Variants in DYSF observed in about 807,000 individuals in gnomAD.
DYSF encodes dysferlin.
A neutral mutation model predicts 274.9 loss-of-function variants in DYSF; 212 were observed. The observed-to-expected ratio is 0.77, with a 90% CI of 0.69 to 0.86. The LOEUF is 0.86. DYSF is among the 40% of genes least tolerant of loss of function. The pLI, the probability that DYSF is intolerant of heterozygous loss-of-function variation, is 0.00. For synonymous variants in DYSF, 1,091 were observed against 1,078.7 expected (o/e 1.01, Z -0.22); for missense variants, 2,666 against 2,783.2 (o/e 0.96, Z 0.95).
intron 29 of DYSF, among the ~76,000 whole-genome samples, chr2:71,573,709 T>C (rs1001696410): frequency 6.6e-6 from 1 of 152,200 alleles, no homozygotes; most frequent in African/African-American, 2.4e-5. Flanking sequence ...ATAAGCAAGT[T>C]AAAAGCCCAG....
chr2:71,473,918 A>ATTTTTT lies in DYSF; in HGVS notation c.92-6945_92-6940dup, dbSNP rs10659171. 1.8e-4 allele frequency among the ~76,000 whole-genome samples: 15 copies of ATTTTTT among 83,818 alleles called. 1 individual carries two copies. Among genetic ancestry groups the ATTTTTT allele is most frequent in the African/African-American group, 8.0e-4 (14 of 17,542 alleles). The allele number at this position is 83,818 out of a possible 152,430, so 55.0% of individuals were successfully genotyped here. On this transcript the variant is annotated intron_variant, in intron 1 of 55. Transcript: ENST00000410020. ...TAATTGCAGTTCTACTTTCTGTATG[A>ATTTTTT]TTTTTTTTTTTTTTTTTTTTTTTTT...
At position 71,555,917 on chromosome 2, in the gene DYSF, C is replaced by T. The variant is rs1201711024; in HGVS notation, c.2110-48C>T. 5.4e-6 allele frequency: 8 copies of T among 1,469,428 alleles called. No individual in the cohort carries two copies. The South Asian group carries it at 6.1e-5, about 11-fold the overall frequency. 91.0% of individuals were successfully genotyped at this position (1,469,428 alleles called of 1,614,324 possible). ...CCTGGGGGTTGGGTCCAGCATGCAC[C>T]CTCTGCCCTGTGGTGACACACCTGA... is the stretch of plus-strand genomic sequence containing the variant. On this transcript the variant is annotated intron_variant, in intron 21 of 55. Coordinates refer to ENST00000410020, the MANE Select transcript of DYSF (RefSeq NM_001130987.2).
In DYSF at chr2:71,615,355, C is replaced by T. The variant is rs568884393; in HGVS notation, c.4464+1945C>T. Reference sequence around the variant, plus strand: ...CCCACCTGGGGAGGGGCTGGGCCTCCCCTGGCCTGGGACAGGGGAGGAGGA... The same window carrying T: ...CCCACCTGGGGAGGGGCTGGGCCTCTCCTGGCCTGGGACAGGGGAGGAGGA... On this transcript the variant is annotated intron_variant, in intron 40 of 55. Coordinates refer to ENST00000410020, the MANE Select transcript of DYSF (RefSeq NM_001130987.2). This position sits in a 1 kb window ranked among gnomAD's most constrained non-coding sequence, Gnocchi z 4.9. Among the ~76,000 whole-genome samples the T allele has an allele frequency of 1.5e-4, 23 of 152,158 alleles. No homozygotes were observed. Among genetic ancestry groups the T allele is most frequent in the African/African-American group, 5.3e-4 (22 of 41,530 alleles).
intron 1 of DYSF, among the ~76,000 whole-genome samples, chr2:71,475,180 C>A (rs894624266): frequency 6.6e-6 from 1 of 152,324 alleles, no homozygotes; most frequent in African/African-American, 2.4e-5. Flanking sequence ...ACCCTTCCCC[C>A]ACATGGCGCC....
intron 40 of DYSF, among the ~76,000 whole-genome samples, chr2:71,618,622 G>GGAGTGTGTGTGTGTGGAGTAGAGGT (rs2094006463): frequency 1.3e-5 from 1 of 78,930 alleles, no homozygotes; most frequent in Admixed American, 1.3e-4. Flanking sequence ...TGGTAGAGGT[G>GGAGTGTGTGTGTGTGGAGTAGAGGT]GTGTGTGTGT....
At chr2:71,456,427 CCTT>C (rs1336320382) in intron 1 of DYSF, among the ~76,000 whole-genome samples, 2 of 152,152 alleles carry the variant, frequency 1.3e-5, no homozygotes, top group South Asian at 4.1e-4. Flanking sequence ...TGCTCGCTCT[CCTT>C]CTCCCTGGCA....
At position 71,656,309 on chromosome 2, in the gene DYSF, C is replaced by T; in HGVS notation, c.4755+19C>T. 1 of 1,613,358 alleles carries T rather than the reference C, an allele frequency of 6.2e-7. No homozygotes were observed. The highest frequency in any genetic ancestry group is 8.5e-7 in the Non-Finnish European group (1 of 1,179,858). On this transcript the variant is annotated intron_variant, in intron 43 of 55. Transcript: ENST00000410020. Reference sequence around the variant, plus strand: ...ATTTAAGGTAAATCCTCGAAGACGTCCCTAACCCAGGTGGGCCTAAGACTG... The same window carrying T: ...ATTTAAGGTAAATCCTCGAAGACGTTCCTAACCCAGGTGGGCCTAAGACTG...
At chr2:71,684,735 A>G (rs1370709400) in intron 55 of DYSF, among the ~76,000 whole-genome samples, 3 of 152,094 alleles carry the variant, frequency 2.0e-5, no homozygotes, top group African/African-American at 7.2e-5. Flanking sequence ...GCTGAGGGGG[A>G]ATCTGCATGT....
intron 13 of DYSF, 76 bp downstream of exon 13, chr2:71,526,422 G>T (rs1184366512): frequency 1.5e-6 from 2 of 1,320,794 alleles, no homozygotes; most frequent in East Asian, 5.2e-5. Flanking sequence ...GGGCGATGGC[G>T]GGCGGGGTCA....
chr2:71,584,290 C>G (rs1452005265), intron 30 of DYSF, among the ~76,000 whole-genome samples: 1 of 152,130 alleles, frequency 6.6e-6, no homozygotes, highest in Non-Finnish European at 1.5e-5. Flanking sequence ...AAGCGGCCCT[C>G]CCTGTCCTGG....
At position 71,680,541 on chromosome 2, in the gene DYSF, A is replaced by G. The variant is rs2095283013; in HGVS notation, c.6064-460A>G. On this transcript the variant is annotated intron_variant, in intron 53 of 55. Transcript: ENST00000410020. The stretch of plus-strand genomic sequence containing the variant: ...TTGTTGCAGCATTATTTACCCTATC[A>G]AAGAGTTGGAAACAACCTAAATGAA... Among the ~76,000 whole-genome samples, 3 of 152,364 alleles carry G rather than the reference A, an allele frequency of 2.0e-5. No homozygotes were observed. The South Asian group carries it at 6.2e-4, about 32-fold the overall frequency.
intron 1 of DYSF, among the ~76,000 whole-genome samples, chr2:71,478,113 T>C (rs968094463): frequency 3.3e-5 from 5 of 151,618 alleles, no homozygotes; most frequent in African/African-American, 1.2e-4. Flanking sequence ...GATTTTAAAA[T>C]TACTAAATAA....
intron 41 of DYSF, among the ~76,000 whole-genome samples, chr2:71,626,883 T>G (rs113985745): frequency 1.3e-5 from 2 of 151,906 alleles, no homozygotes; most frequent in African/African-American, 4.8e-5. Flanking sequence ...ATTTTCTGTT[T>G]CTAAGTGAGT....
intron 40 of DYSF, among the ~76,000 whole-genome samples, chr2:71,616,038 C>T (rs1273323492): frequency 6.6e-6 from 1 of 152,186 alleles, no homozygotes; most frequent in Admixed American, 6.5e-5. Context: ...TCTCTCTGCT[C>T]CCAAAGCCTT....
intron 32 of DYSF, among the ~76,000 whole-genome samples, chr2:71,591,948 C>T (rs1402449877): frequency 3.3e-5 from 5 of 152,242 alleles, no homozygotes; most frequent in African/African-American, 4.8e-5. Flanking sequence ...AGCAGCAACC[C>T]GCCAGAATTT....
At chr2:71,670,146 A>C (rs2095094201) in intron 51 of DYSF, among the ~76,000 whole-genome samples, 3 of 148,690 alleles carry the variant, frequency 2.0e-5, no homozygotes, top group African/African-American at 5.0e-5. Context: ...CCCCTTTTCC[A>C]CTCTCTTCCA....
intron 40 of DYSF, among the ~76,000 whole-genome samples, chr2:71,618,725 TG>T (rs1180574334): frequency 3.0e-4 from 45 of 148,712 alleles, no homozygotes; most frequent in Admixed American, 6.0e-4. Context: ...GTGGCAGAGG[TG>T]GGTGTGTATG....
intron 14 of DYSF, among the ~76,000 whole-genome samples, chr2:71,533,974 A>C: frequency 6.7e-6 from 1 of 150,202 alleles, no homozygotes; most frequent in African/African-American, 2.5e-5. Context: ...TTCTTTCCTT[A>C]CTCCTCTCTT....
intron 1 of DYSF, among the ~76,000 whole-genome samples, chr2:71,480,349 T>C (rs1222144301): frequency 6.6e-6 from 1 of 150,624 alleles, no homozygotes; most frequent in Admixed American, 6.6e-5. Flanking sequence ...GTCTGGGCAA[T>C]ATAGTGAGGC....
Sources: gnomAD v4.1 joint callset for allele counts (sites outside exome capture counted in the v4.1 genomes callset) on GRCh38, gnomAD v4.1.1 for gene constraint, Gnocchi (gnomAD v3.1) non-coding constraint, MANE v1.5 for transcripts, NCBI Gene and HGNC (gene_info 2026-07-23, HGNC 2026-07-21) for gene names.